The following PLD5 variants were observed in gnomAD, a reference collection of about 807,000 sequenced individuals.
PLD5 encodes the protein phospholipase D family member 5, also known as inactive phospholipase D5.
PLD5 carries 36 observed loss-of-function variants against 61.1 expected under a neutral mutation model. That is an observed-to-expected ratio of 0.59 (90% CI 0.45 to 0.78). The LOEUF (loss-of-function observed/expected upper bound fraction) is 0.78. PLD5 is among the 30% of genes least tolerant of loss of function. The pLI is 0.00. For missense variants in PLD5, 515 were observed against 644.4 expected, an observed-to-expected ratio of 0.80 and a Z score of 2.17; for synonymous variants, 243 against 242.8, an observed-to-expected ratio of 1.00 and a Z score of -0.01.
In PLD5 at chr1:242,303,236, C is replaced by T. The variant is rs559610787; in HGVS notation, c.327-14706G>A. Reference sequence around the variant, plus strand: ...ACTCTCCTGACTCACACGCCCAATGCTGGCAATGATAGTCAATCACACTGT... The same window carrying T: ...ACTCTCCTGACTCACACGCCCAATGTTGGCAATGATAGTCAATCACACTGT... On this transcript the variant is annotated intron_variant, in intron 2 of 9. Coordinates refer to ENST00000536534, the MANE Select transcript of PLD5 (RefSeq NM_001372062.1). 2.0e-5 allele frequency among the ~76,000 whole-genome samples: 3 copies of T among 152,296 alleles called. No individual in the cohort carries two copies. The South Asian group carries it at 6.2e-4, about 32-fold the overall frequency.
chr1:242,372,703 G>A (rs12092228), intron 1 of PLD5, among the ~76,000 whole-genome samples: 2 of 152,014 alleles, frequency 1.3e-5, no homozygotes, highest in Non-Finnish European at 2.9e-5. Context: ...AAGGATTCCC[G>A]ATTTAATAAA....
intron 2 of PLD5, among the ~76,000 whole-genome samples, chr1:242,325,715 C>T (rs983568137): frequency 6.6e-6 from 1 of 151,988 alleles, no homozygotes; most frequent in Non-Finnish European, 1.5e-5. Flanking sequence ...GCCTGGACCT[C>T]GAGGGCTTTT....
chr1:242,263,750 G>A (rs1471235953), intron 4 of PLD5, among the ~76,000 whole-genome samples: 1 of 152,180 alleles, frequency 6.6e-6, no homozygotes, highest in African/African-American at 2.4e-5. Flanking sequence ...TCTGTGAGAT[G>A]CAATTACTAT....
At chr1:242,410,148 T>C (rs973426814) in intron 1 of PLD5, among the ~76,000 whole-genome samples, 2 of 152,174 alleles carry the variant, frequency 1.3e-5, no homozygotes, top group African/African-American at 4.8e-5. Flanking sequence ...TACTTCTTGC[T>C]GAAAAGGGGT....
intron 5 of PLD5, among the ~76,000 whole-genome samples, chr1:242,140,318 C>T (rs1340489909): frequency 6.6e-6 from 1 of 152,168 alleles, no homozygotes; most frequent in Non-Finnish European, 1.5e-5. Flanking sequence ...TTCAGCTGAA[C>T]ATATTATATC....
chr1:242,378,919 T>G (rs1416179916), intron 1 of PLD5, among the ~76,000 whole-genome samples: 1 of 152,080 alleles, frequency 6.6e-6, no homozygotes, highest in Non-Finnish European at 1.5e-5. Flanking sequence ...CTGGAAGGTT[T>G]GAACTTTATC....
chr1:242,345,293 A>T (rs1660067011), intron 2 of PLD5, among the ~76,000 whole-genome samples: 2 of 152,136 alleles, frequency 1.3e-5, no homozygotes, highest in Admixed American at 1.3e-4. Flanking sequence ...TACAGTTAGT[A>T]AGTAGTAGAA....
intron 6 of PLD5, among the ~76,000 whole-genome samples, chr1:242,116,955 G>T (rs1485348232): frequency 6.6e-6 from 1 of 152,090 alleles, no homozygotes; most frequent in Non-Finnish European, 1.5e-5. Flanking sequence ...TGCCTCTGCA[G>T]GGTTTCCTGG....
At chr1:242,348,625 A>C (rs1313041846) in intron 1 of PLD5, among the ~76,000 whole-genome samples, 2 of 152,210 alleles carry the variant, frequency 1.3e-5, no homozygotes, top group Non-Finnish European at 2.9e-5. Context: ...ACTCTGTAAA[A>C]CATTTGAAGA....
At chr1:242,492,118 T>C (rs1244774195) in intron 1 of PLD5, among the ~76,000 whole-genome samples, 1 of 152,198 alleles carries the variant, frequency 6.6e-6, no homozygotes, top group Non-Finnish European at 1.5e-5. Flanking sequence ...TGAGGGTGTC[T>C]ACTGTCAATG....
chr1:242,235,280 C>T (rs543748644), intron 4 of PLD5, among the ~76,000 whole-genome samples: 2 of 152,296 alleles, frequency 1.3e-5, no homozygotes, highest in African/African-American at 4.8e-5. Context: ...TTTAGATCAC[C>T]TTTAGTATTC....
chr1:242,176,522 A>T (rs988138552), intron 5 of PLD5, among the ~76,000 whole-genome samples: 1 of 152,214 alleles, frequency 6.6e-6, no homozygotes, highest in Admixed American at 6.5e-5. Flanking sequence ...GGACATAGGT[A>T]TGGGCAAAGA....
intron 1 of PLD5, among the ~76,000 whole-genome samples, chr1:242,350,840 CCATTATT>C (rs1438453821): frequency 6.6e-6 from 1 of 152,032 alleles, no homozygotes; most frequent in African/African-American, 2.4e-5. Context: ...AAAGATACAG[CCATTATT>C]CTTTTACCCT....
chr1:242,514,292 G>C (rs910459144), intron 1 of PLD5, among the ~76,000 whole-genome samples: 2 of 152,198 alleles, frequency 1.3e-5, no homozygotes, highest in African/African-American at 4.8e-5. Flanking sequence ...CTGCTCAAAA[G>C]TCTTAATTCA....
chr1:242,309,663 T>C (rs1676583784), intron 2 of PLD5, among the ~76,000 whole-genome samples: 1 of 106,704 alleles, frequency 9.4e-6, no homozygotes, highest in African/African-American at 2.9e-5. Context: ...CATGAGCCAC[T>C]GCACTTGGCC....
chr1:242,316,712 A>G (rs1240029880), intron 2 of PLD5, among the ~76,000 whole-genome samples: 1 of 152,162 alleles, frequency 6.6e-6, no homozygotes, highest in African/African-American at 2.4e-5. Flanking sequence ...TTCATCACCC[A>G]GGTATTAAGC....
rs1162422554 is a variant in PLD5, at chr1:242,319,372, G to T, written c.326+28734C>A. Among the ~76,000 whole-genome samples, 8 of 150,284 alleles carry T rather than the reference G, an allele frequency of 5.3e-5. No homozygotes were observed. The East Asian group carries it at 1.6e-3, about 29-fold the overall frequency. ...TATATAGTCCCTATAAATAAATACT[G>T]ATACTTACAAATACACATCCATAAG... On this transcript the variant is annotated intron_variant, in intron 2 of 9. Transcript: ENST00000536534.
chr1:242,259,541 A>G (rs1398681308), intron 4 of PLD5, among the ~76,000 whole-genome samples: 1 of 152,180 alleles, frequency 6.6e-6, no homozygotes, highest in African/African-American at 2.4e-5. Context: ...GATATTTCAG[A>G]TCCTAAATGG....
At chr1:242,126,597 TG>T (rs1474165946) in intron 5 of PLD5, among the ~76,000 whole-genome samples, 1 of 152,166 alleles carries the variant, frequency 6.6e-6, no homozygotes, top group African/African-American at 2.4e-5. Context: ...CTGGGATAAT[TG>T]GCAAGACACT....
Sources: gnomAD v4.1 joint callset for allele counts (sites outside exome capture counted in the v4.1 genomes callset) on GRCh38, gnomAD v4.1.1 for gene constraint, MANE v1.5 for transcripts, NCBI Gene and HGNC (gene_info 2026-07-23, HGNC 2026-07-21) for gene names.